Variants in ERF observed in about 807,000 individuals in gnomAD.
ERF encodes the protein ETS domain-containing transcription factor ERF.
In ERF, 10 loss-of-function variants were observed where a neutral mutation model predicts 41.6. The observed-to-expected ratio is 0.24, with a 90% CI of 0.15 to 0.41. ERF has a LOEUF of 0.41. Ranked by LOEUF, ERF falls within the 10% of genes least tolerant of loss-of-function variation. The pLI, the probability that ERF is intolerant of heterozygous loss-of-function variation, is 1.00. For missense variants in ERF, 621 were observed against 763.2 expected (o/e 0.81, Z 2.19); for synonymous variants, 395 against 342.4 (o/e 1.15, Z -1.70).
In ERF at chr19:42,248,330, C is replaced by A; in HGVS notation, c.*135G>T. 3.0e-4 allele frequency: 141 copies of A among 473,046 alleles called. No homozygotes were observed. Among genetic ancestry groups the A allele is most frequent in the Middle Eastern group, 1.6e-3 (2 of 1,238 alleles). The allele number at this position is 473,046 out of a possible 1,614,324, so 29.3% of individuals were successfully genotyped here. ...AAAAAAAAGAAATTAAAGTTTTATA[C>A]AAAATGTGGGGAGGGAAAAGGGAGG... On this transcript the variant is annotated 3_prime_UTR_variant, in exon 4 of 4. Coordinates refer to ENST00000222329, the MANE Select transcript of ERF (RefSeq NM_006494.4). The surrounding 1 kb of genome is among the most constrained non-coding windows in gnomAD (Gnocchi z 4.2).
rs1157528042 is a variant in ERF at position 42,249,279 on chromosome 19, G to A, written c.833C>T (p.Thr278Ile). Residue 278 changes from threonine to isoleucine, a missense_variant, in exon 4 of 4, where the codon ACT becomes ATT. Physicochemically the swap from Thr to Ile is moderately conservative, Grantham distance 89. Transcript: ENST00000222329. This position sits in a 1 kb window ranked among gnomAD's most constrained non-coding sequence, Gnocchi z 8.6. ...LPMTPTHLAY[T>I]PSPTLSPMYP... is the part of the protein sequence containing the mutation. Reference sequence around the variant, plus strand: ...CATCGGGCTCAGCGTGGGCGAGGGAGTGTAGGCCAGGTGGGTGGGCGTCAT... The same window carrying A: ...CATCGGGCTCAGCGTGGGCGAGGGAATGTAGGCCAGGTGGGTGGGCGTCAT... The A allele has an allele frequency of 6.2e-7, 1 of 1,606,824 alleles. No homozygotes were observed. The highest frequency in any genetic ancestry group is 8.5e-7 in the Non-Finnish European group (1 of 1,176,688).
intron 1 of ERF, among the ~76,000 whole-genome samples, chr19:42,254,158 T>C (rs982187792): frequency 7.1e-6 from 1 of 140,814 alleles, no homozygotes; most frequent in Non-Finnish European, 1.5e-5. Context: ...AGGAGCAAGT[T>C]GGCGGGGAAG....
intron 1 of ERF, chr19:42,254,398 A>C (rs1422188431): frequency 1.3e-5 from 2 of 152,084 alleles, no homozygotes; most frequent in Non-Finnish European, 2.9e-5. Context: ...TGCGCTTTGG[A>C]ACTTTGCGAC....
At chr19:42,253,383 G>A (rs2036477113) in intron 1 of ERF, among the ~76,000 whole-genome samples, 1 of 152,120 alleles carries the variant, frequency 6.6e-6, no homozygotes, top group Admixed American at 6.5e-5. Context: ...AAGATGCACC[G>A]ATCGGAGGCC....
intron 1 of ERF, chr19:42,253,920 G>T: frequency 9.5e-7 from 1 of 1,053,288 alleles, no homozygotes; most frequent in Non-Finnish European, 1.1e-6. Flanking sequence ...AGCGGCGCCC[G>T]GCCCCCTTCC....
rs1568472589 is a variant in ERF at position 42,250,184 on chromosome 19, G to A, written c.257+147C>T. On this transcript the variant is annotated intron_variant, in intron 2 of 3. Coordinates refer to ENST00000222329, the MANE Select transcript of ERF (RefSeq NM_006494.4). This position sits in a 1 kb window ranked among gnomAD's most constrained non-coding sequence, Gnocchi z 5.1. ...TACGTCTGTGTTACCAAGGGGCTCA[G>A]GGAAGGGCTGGGAGTGGCCCAAGGT... 1.1e-6 allele frequency: 1 copy of A among 901,928 alleles called. No individual in the cohort carries two copies. The allele number at this position is 901,928 out of a possible 1,614,324, so 55.9% of individuals were successfully genotyped here.
rs561054749 is a variant in ERF at position 42,250,760 on chromosome 19, G to C, written c.23-195C>G. On this transcript the variant is annotated intron_variant, in intron 1 of 3. Transcript: ENST00000222329. The surrounding 1 kb of genome is among the most constrained non-coding windows in gnomAD (Gnocchi z 5.1). ...TGTGAGGGGCTAGACAGGAGCTGGGGGGGAGGGGAAGCTGGAGCCCGCTCC... is the reference window on the plus strand; with the variant it reads ...TGTGAGGGGCTAGACAGGAGCTGGGCGGGAGGGGAAGCTGGAGCCCGCTCC... Among the ~76,000 whole-genome samples, 1 of 152,362 alleles carries C rather than the reference G, an allele frequency of 6.6e-6. No homozygotes were observed. The highest frequency in any genetic ancestry group is 2.4e-5 in the African/African-American group (1 of 41,590).
Position 42,250,646 on chromosome 19 carries a change from G to GC in ERF, c.23-82dup. 2.9e-6 allele frequency: 4 copies of GC among 1,367,042 alleles called. No homozygotes were observed. Among genetic ancestry groups the GC allele is most frequent in the Non-Finnish European group, 2.0e-6 (2 of 994,240 alleles). The allele number at this position is 1,367,042 out of a possible 1,614,324, so 84.7% of individuals were successfully genotyped here. A position where few individuals can be genotyped will look rare whatever the true frequency, so the allele number is the denominator to read the frequency against. On this transcript the variant is annotated intron_variant, in intron 1 of 3. Coordinates refer to ENST00000222329, the MANE Select transcript of ERF (RefSeq NM_006494.4). The surrounding 1 kb of genome is among the most constrained non-coding windows in gnomAD (Gnocchi z 5.1). Reference sequence around the variant, plus strand: ...GGGTCCCATCCCAGGGTCCACCTCTGCCCTGCCTTCAACATGGGGAAATCT... The same window carrying GC: ...GGGTCCCATCCCAGGGTCCACCTCTGCCCCTGCCTTCAACATGGGGAAATCT...
At position 42,248,736 on chromosome 19, in the gene ERF, G is replaced by A. The variant is rs1482244260; in HGVS notation, c.1376C>T (p.Ala459Val). 6.2e-7 allele frequency: 1 copy of A among 1,613,614 alleles called. No homozygotes were observed. The highest frequency in any genetic ancestry group is 8.5e-7 in the Non-Finnish European group (1 of 1,179,950). The stretch of plus-strand genomic sequence containing the variant: ...CTCAGGCTTAGGGGGTGCAGGTGGG[G>A]CACGGGGCGTCTTGAACACCTCCCC... ...EDGEVFKTPR[A>V]PPAPPKPEPG... The change falls in exon 4 of 4, where the codon GCC becomes GTC. Residue 459 changes from alanine to valine, a missense_variant. Coordinates refer to ENST00000222329, the MANE Select transcript of ERF (RefSeq NM_006494.4). This position sits in a 1 kb window ranked among gnomAD's most constrained non-coding sequence, Gnocchi z 4.2.
At chr19:42,253,771 G>A (rs2036485260) in intron 1 of ERF, 2 of 683,400 alleles carry the variant, frequency 2.9e-6, no homozygotes, top group Non-Finnish European at 3.6e-6. Context: ...CGAGCAGGGG[G>A]ATGGGGATGG....
In ERF at chr19:42,249,480, G is replaced by A. The variant is rs762208605; in HGVS notation, c.632C>T (p.Pro211Leu). ...CCCTCGGAAGGCACCCAGATCCGGAGGGCCGGGTGGTCGGGCGCGGGGATC... is the reference window on the plus strand; with the variant it reads ...CCCTCGGAAGGCACCCAGATCCGGAAGGCCGGGTGGTCGGGCGCGGGGATC... ...GEDPRARPPG[P>L]PDLGAFRGPP... Residue 211 changes from proline (P) to leucine (L), a missense_variant, in exon 4 of 4, where the codon CCT becomes CTT. Pro to Leu is a moderately conservative substitution (Grantham distance 98). This residue lies in a region of ERF where 569 missense variants were observed against 625.5 expected (regional missense o/e 0.91). Coordinates refer to ENST00000222329, the MANE Select transcript of ERF (RefSeq NM_006494.4). This position sits in a 1 kb window ranked among gnomAD's most constrained non-coding sequence, Gnocchi z 8.6. 1 of 1,608,314 alleles carries A rather than the reference G, an allele frequency of 6.2e-7. No homozygotes were observed. The highest frequency in any genetic ancestry group is 8.5e-7 in the Non-Finnish European group (1 of 1,177,962).
In ERF at chr19:42,248,184, G is replaced by A. The variant is rs1599818953; in HGVS notation, c.*281C>T. 2.7e-6 allele frequency: 1 copy of A among 369,428 alleles called. No individual in the cohort carries two copies. The highest frequency in any genetic ancestry group is 4.0e-5 in the East Asian group (1 of 25,264). 22.9% of individuals were successfully genotyped at this position (369,428 alleles called of 1,614,324 possible). A position where few individuals can be genotyped will look rare whatever the true frequency, so the allele number is the denominator to read the frequency against. On this transcript the variant is annotated 3_prime_UTR_variant, in exon 4 of 4. Coordinates refer to ENST00000222329, the MANE Select transcript of ERF (RefSeq NM_006494.4). This position sits in a 1 kb window ranked among gnomAD's most constrained non-coding sequence, Gnocchi z 4.2. ...AATTCAAATATAAATTCCCCAGAAT[G>A]GAGGTGACCCCCTTAACTTCCCCCT...
intron 1 of ERF, chr19:42,254,011 T>G: frequency 2.5e-5 from 22 of 897,196 alleles, no homozygotes; most frequent in Non-Finnish European, 2.8e-5. Context: ...CCCTGCGCGC[T>G]CGGGCGCAAA....
chr19:42,253,780 GGGAAT>G, intron 1 of ERF: 1 of 646,174 alleles, frequency 1.5e-6, no homozygotes, highest in Non-Finnish European at 1.9e-6. Context: ...GGATGGGGAT[GGGAAT>G]GGGGTGGGAA....
chr19:42,251,070 GA>G (rs1422236873), intron 1 of ERF, among the ~76,000 whole-genome samples: 2 of 150,944 alleles, frequency 1.3e-5, no homozygotes, highest in Admixed American at 6.6e-5. Context: ...CTGAGAGGAA[GA>G]TTTTTTTTTT....
chr19:42,253,566 A>G (rs548398987), intron 1 of ERF, among the ~76,000 whole-genome samples: 2 of 152,206 alleles, frequency 1.3e-5, no homozygotes, highest in South Asian at 2.1e-4. Flanking sequence ...GGGCGAGGGT[A>G]GGCTCCTGCT....
At chr19:42,254,864 C>G (rs2036507608) in intron 1 of ERF, 114 bp downstream of exon 1, 2 of 1,252,502 alleles carry the variant, frequency 1.6e-6, no homozygotes, top group Non-Finnish European at 1.1e-6. Flanking sequence ...TGAGGGGTCC[C>G]CCAGAACTGG....
In ERF at chr19:42,250,789, G is replaced by T. The variant is rs543273177; in HGVS notation, c.23-224C>A. 8.5e-4 allele frequency among the ~76,000 whole-genome samples: 130 copies of T among 152,280 alleles called. No individual in the cohort carries two copies. The highest frequency in any genetic ancestry group is 3.0e-3 in the African/African-American group (126 of 41,566). On this transcript the variant is annotated intron_variant, in intron 1 of 3. Coordinates refer to ENST00000222329, the MANE Select transcript of ERF (RefSeq NM_006494.4). This position sits in a 1 kb window ranked among gnomAD's most constrained non-coding sequence, Gnocchi z 5.1. ...AGGGGAAGCTGGAGCCCGCTCCAGC[G>T]ACACCGGGAGAAACAGGAAACCGTC...
intron 1 of ERF, chr19:42,251,434 G>A: frequency 2.6e-6 from 1 of 386,548 alleles, no homozygotes; most frequent in Non-Finnish European, 3.4e-6. Flanking sequence ...TGGAGGGGGT[G>A]GGCAGCCTGG....
Sources: gnomAD v4.1 joint callset for allele counts (sites outside exome capture counted in the v4.1 genomes callset) on GRCh38, gnomAD v4.1.1 for gene constraint, gnomAD v4.1.1 regional missense constraint, Gnocchi (gnomAD v3.1) non-coding constraint, MANE v1.5 for transcripts, NCBI Gene and HGNC (gene_info 2026-07-23, HGNC 2026-07-21) for gene names.